The following POLE2 variants were observed in gnomAD, a reference collection of about 807,000 sequenced individuals.
POLE2 encodes the protein DNA polymerase epsilon subunit 2.
POLE2 carries 56 observed loss-of-function variants against 79.4 expected under a neutral mutation model. That is an observed-to-expected ratio of 0.71 (90% CI 0.57 to 0.88). The LOEUF (loss-of-function observed/expected upper bound fraction) is 0.88. Among genes scored for constraint, POLE2 ranks in the 40% least tolerant of loss-of-function variants. The pLI is 0.00. For synonymous variants in POLE2, 212 were observed against 214.0 expected (o/e 0.99, Z 0.08); for missense variants, 598 against 638.9 (o/e 0.94, Z 0.69).
At chr14:49,666,473 T>G in intron 6 of POLE2, 60 bp from the exon 7 acceptor site, 2 of 677,714 alleles carry the variant, frequency 3.0e-6, no homozygotes, top group East Asian at 6.7e-5. Context: ...GAAACAAAAC[T>G]TTTTATAAAT....
intron 10 of POLE2, among the ~76,000 whole-genome samples, chr14:49,661,955 G>A (rs1211460394): frequency 1.3e-5 from 2 of 152,080 alleles, no homozygotes; most frequent in East Asian, 3.8e-4. Context: ...GAAACAAATG[G>A]TAAACTCACA....
chr14:49,655,931 G>A, intron 10 of POLE2, 88 bp from the exon 11 acceptor site: 1 of 682,388 alleles, frequency 1.5e-6, no homozygotes, highest in Non-Finnish European at 2.5e-6. Flanking sequence ...TGTATCTAAT[G>A]AAGTTATTTT....
At chr14:49,665,833 T>C (rs978564475) in intron 7 of POLE2, among the ~76,000 whole-genome samples, 47 of 152,202 alleles carry the variant, frequency 3.1e-4, no homozygotes, top group African/African-American at 1.0e-3. Context: ...TTTATTTATT[T>C]ATTTATTTTT....
rs557957916 is a variant in POLE2 at position 49,676,067 on chromosome 14, T to C, written c.246-1640A>G. Among the ~76,000 whole-genome samples, 8 of 152,294 alleles carry C rather than the reference T, an allele frequency of 5.3e-5. No individual in the cohort carries two copies. In the South Asian group the frequency reaches 1.2e-3, roughly 24 times the overall value. ...GCGCCCTGCCAAATCTAAAATGTTA[T>C]GCAGAAGTGTCCCAGGAAAAGTTAC... is the stretch of plus-strand genomic sequence containing the variant. On this transcript the variant is annotated intron_variant, in intron 3 of 18. Transcript: ENST00000216367.
intron 15 of POLE2, among the ~76,000 whole-genome samples, chr14:49,653,221 T>C (rs1884406294): frequency 6.6e-6 from 1 of 152,186 alleles, no homozygotes; most frequent in African/African-American, 2.4e-5. Flanking sequence ...GAAATATAAA[T>C]GTGGAAGGTG....
intron 3 of POLE2, chr14:49,679,360 T>G (rs952492426): frequency 1.8e-5 from 3 of 167,016 alleles, no homozygotes; most frequent in African/African-American, 7.1e-5. Context: ...GTAAAGTTGC[T>G]GAACTTCTCT....
chr14:49,650,395 A>G lies in POLE2; in HGVS notation c.1367T>C (p.Leu456Pro). 6.3e-7 allele frequency: 1 copy of G among 1,590,192 alleles called. No homozygotes were observed. The part of the protein sequence containing the change: ...LSQGHLTPLP[L>P]YVCPVYWAYD... The stretch of plus-strand genomic sequence containing the variant: ...TGCCCAATACACTGGGCAGACATAA[A>G]GAGGTAGGGGAGTCAGATGTCCTTG... The change falls in exon 17 of 19, where the codon CTT (leucine) becomes CCT (proline). Residue 456 changes from leucine (L) to proline (P), a missense_variant. Leu to Pro is a moderately conservative substitution (Grantham distance 98, BLOSUM62 -3). Coordinates refer to ENST00000216367, the MANE Select transcript of POLE2 (RefSeq NM_002692.4).
At chr14:49,674,287 T>A in intron 4 of POLE2, 63 bp downstream of exon 4, 1 of 1,445,968 alleles carries the variant, frequency 6.9e-7, no homozygotes, top group South Asian at 1.1e-5. Flanking sequence ...AGCAAGAGAC[T>A]ATACCTTCTG....
At position 49,651,385 on chromosome 14, in the gene POLE2, G is replaced by T. The variant is rs778719725; in HGVS notation, c.1212-8C>A. On this transcript the variant is annotated splice_region_variant and splice_polypyrimidine_tract_variant and intron_variant, in intron 15 of 18. Coordinates refer to ENST00000216367, the MANE Select transcript of POLE2 (RefSeq NM_002692.4). ...TGTGTACAGTACTGAATTCTGAAAT[G>T]AAAACAGTAGTTGAATTTGACTTCT... 15 of 1,164,032 alleles carry T rather than the reference G, an allele frequency of 1.3e-5. No individual in the cohort carries two copies. The highest frequency in any genetic ancestry group is 3.1e-5 in the African/African-American group (2 of 64,530). The allele number at this position is 1,164,032 out of a possible 1,614,324, so 72.1% of individuals were successfully genotyped here.
At chr14:49,647,546 G>A (rs751887848) in intron 17 of POLE2, among the ~76,000 whole-genome samples, 186 bp from the exon 18 acceptor site, 1 of 151,574 alleles carries the variant, frequency 6.6e-6, no homozygotes, top group African/African-American at 2.4e-5. Flanking sequence ...CTCCATTTCC[G>A]GGATTCAAGC....
At chr14:49,680,573 C>G (rs1326378248) in intron 2 of POLE2, among the ~76,000 whole-genome samples, 3 of 152,074 alleles carry the variant, frequency 2.0e-5, no homozygotes, top group African/African-American at 7.2e-5. Context: ...ATGCCCATAT[C>G]TTATAGATAG....
At chr14:49,653,117 G>A (rs979287786) in intron 15 of POLE2, among the ~76,000 whole-genome samples, 5 of 152,338 alleles carry the variant, frequency 3.3e-5, no homozygotes, top group Middle Eastern at 3.4e-3. Flanking sequence ...AGGGACACTC[G>A]TGGGGAGGAA....
intron 1 of POLE2, among the ~76,000 whole-genome samples, chr14:49,684,847 G>C (rs998472556): frequency 2.6e-5 from 4 of 151,936 alleles, no homozygotes; most frequent in African/African-American, 9.7e-5. Context: ...CATGGTGGCG[G>C]GCGCCGGTAG....
intron 18 of POLE2, among the ~76,000 whole-genome samples, chr14:49,645,036 C>T (rs1883660053): frequency 1.0e-5 from 1 of 98,890 alleles, no homozygotes; most frequent in South Asian, 2.3e-4. Context: ...AGCAAAACTC[C>T]GTCTCACAAA....
intron 1 of POLE2, 101 bp downstream of exon 1, chr14:49,688,035 C>G (rs1214413569): frequency 2.0e-6 from 2 of 992,716 alleles, no homozygotes; most frequent in East Asian, 5.6e-5. Context: ...CAAGCCCCCT[C>G]TCGGCGCGCG....
At chr14:49,658,297 C>T (rs1040908832) in intron 10 of POLE2, among the ~76,000 whole-genome samples, 1 of 152,016 alleles carries the variant, frequency 6.6e-6, no homozygotes, top group Non-Finnish European at 1.5e-5. Flanking sequence ...AGGATGGTCT[C>T]GATCTCCTGA....
chr14:49,649,622 G>A (rs551312884), intron 17 of POLE2, among the ~76,000 whole-genome samples: 3 of 148,840 alleles, frequency 2.0e-5, no homozygotes, highest in African/African-American at 7.5e-5. Flanking sequence ...GCTAATTATT[G>A]TAATTTTTAG....
At chr14:49,670,657 C>T (rs1017412488) in intron 5 of POLE2, among the ~76,000 whole-genome samples, 10 of 152,162 alleles carry the variant, frequency 6.6e-5, no homozygotes, top group Admixed American at 3.3e-4. Context: ...AAGACTTTTG[C>T]TAGAGCTATT....
At chr14:49,678,327 A>C (rs1886451684) in intron 3 of POLE2, among the ~76,000 whole-genome samples, 1 of 151,934 alleles carries the variant, frequency 6.6e-6, no homozygotes, top group South Asian at 2.1e-4. Flanking sequence ...CTTACCCCCA[A>C]GAGCAACACC....
Sources: allele counts gnomAD v4.1 joint callset (sites outside exome capture counted in the v4.1 genomes callset), GRCh38; gene constraint gnomAD v4.1.1; transcripts MANE v1.5; gene names NCBI Gene and HGNC (gene_info 2026-07-23, HGNC 2026-07-21).